RUNDC3B: variants seen among roughly 807,000 people sequenced by gnomAD.
The protein encoded by RUNDC3B is RUN domain-containing protein 3B.
Under a neutral mutation model 58.4 loss-of-function variants are expected in RUNDC3B, and 33 were observed. That is an observed-to-expected ratio of 0.56 (90% CI 0.43 to 0.75). The LOEUF (loss-of-function observed/expected upper bound fraction) is 0.75. Ranked by LOEUF, RUNDC3B falls within the 30% of genes least tolerant of loss-of-function variation. RUNDC3B has a pLI of 0.00. For synonymous variants in RUNDC3B, 193 were observed against 195.2 expected (o/e 0.99, Z 0.10); for missense variants, 501 against 535.7 (o/e 0.94, Z 0.64).
At chr7:87,814,511 C>G (rs1041362068) in intron 9 of RUNDC3B, among the ~76,000 whole-genome samples, 10 of 152,144 alleles carry the variant, frequency 6.6e-5, no homozygotes, top group Admixed American at 1.3e-4. Context: ...AGGTTTAAAT[C>G]TAATCTCTTT....
intron 6 of RUNDC3B, among the ~76,000 whole-genome samples, chr7:87,757,640 T>C (rs1833443866): frequency 6.6e-6 from 1 of 152,132 alleles, no homozygotes; most frequent in Admixed American, 6.6e-5. Flanking sequence ...CCAATGACAT[T>C]CTTCACAGAA....
At chr7:87,804,161 A>G (rs1386283445) in intron 8 of RUNDC3B, among the ~76,000 whole-genome samples, 2 of 152,198 alleles carry the variant, frequency 1.3e-5, no homozygotes, top group East Asian at 1.9e-4. Context: ...TAGAAAACCA[A>G]AAGAACCTTG....
intron 4 of RUNDC3B, among the ~76,000 whole-genome samples, chr7:87,731,999 G>C (rs1433972965): frequency 6.6e-6 from 1 of 152,138 alleles, no homozygotes; most frequent in African/African-American, 2.4e-5. Flanking sequence ...TCATTTTGAA[G>C]GGTATGTTAT....
At chr7:87,763,868 ATC>A (rs1216442845) in intron 6 of RUNDC3B, among the ~76,000 whole-genome samples, 1 of 151,764 alleles carries the variant, frequency 6.6e-6, no homozygotes, top group African/African-American at 2.4e-5. Flanking sequence ...TGGCAGAGGT[ATC>A]TGTTTCAAAT....
At chr7:87,675,127 A>G (rs920772132) in intron 2 of RUNDC3B, among the ~76,000 whole-genome samples, 3 of 152,180 alleles carry the variant, frequency 2.0e-5, no homozygotes, top group Non-Finnish European at 4.4e-5. Context: ...CCTTTTCCCC[A>G]GAAGATGCTG....
intron 1 of RUNDC3B, among the ~76,000 whole-genome samples, chr7:87,631,639 C>T (rs187726397): frequency 6.6e-6 from 1 of 152,300 alleles, no homozygotes; most frequent in East Asian, 1.9e-4. Context: ...GTGATCCGCC[C>T]GCCTCGGCCT....
chr7:87,775,122 T>A (rs1479635607), intron 7 of RUNDC3B, among the ~76,000 whole-genome samples: 1 of 152,172 alleles, frequency 6.6e-6, no homozygotes, highest in East Asian at 1.9e-4. Context: ...TAGGAGGTAG[T>A]CCAGCAGTGG....
intron 10 of RUNDC3B, among the ~76,000 whole-genome samples, chr7:87,825,428 A>G (rs1212441069): frequency 6.6e-6 from 1 of 152,120 alleles, no homozygotes; most frequent in Non-Finnish European, 1.5e-5. Context: ...CCTAGATTTC[A>G]GAAGATGTAG....
chr7:87,643,969 C>T (rs188196893), intron 1 of RUNDC3B, among the ~76,000 whole-genome samples: 83 of 152,314 alleles, frequency 5.4e-4, no homozygotes, highest in African/African-American at 1.9e-3. Context: ...AGTGATTCGC[C>T]TGCCTCAGCC....
intron 3 of RUNDC3B, among the ~76,000 whole-genome samples, chr7:87,703,891 T>TC: frequency 9.0e-6 from 1 of 111,322 alleles, no homozygotes; most frequent in Admixed American, 9.6e-5. Context: ...TTTTCTTTTT[T>TC]TTTTTTTTTT....
At chr7:87,680,201 T>C (rs1347879475) in intron 2 of RUNDC3B, among the ~76,000 whole-genome samples, 1 of 150,506 alleles carries the variant, frequency 6.6e-6, no homozygotes, top group Non-Finnish European at 1.5e-5. Context: ...GCAAAGGACA[T>C]GACCTCATCC....
chr7:87,690,835 T>C (rs1827946148), intron 2 of RUNDC3B, among the ~76,000 whole-genome samples: 1 of 152,144 alleles, frequency 6.6e-6, no homozygotes, highest in South Asian at 2.1e-4. Context: ...TGGTAATCCA[T>C]TTACAGACCA....
chr7:87,823,429 T>TA (rs1235042235), intron 10 of RUNDC3B, among the ~76,000 whole-genome samples: 1 of 152,062 alleles, frequency 6.6e-6, no homozygotes, highest in Non-Finnish European at 1.5e-5. Context: ...TTAATTTTTT[T>TA]ATTTCCATAA....
At chr7:87,739,345 A>C (rs1462230872) in intron 4 of RUNDC3B, among the ~76,000 whole-genome samples, 2 of 152,036 alleles carry the variant, frequency 1.3e-5, no homozygotes, top group Non-Finnish European at 2.9e-5. Flanking sequence ...TAATCTTTGC[A>C]ATTATAGAAA....
chr7:87,760,093 T>G (rs559261488), intron 6 of RUNDC3B, among the ~76,000 whole-genome samples: 6 of 151,386 alleles, frequency 4.0e-5, no homozygotes, highest in Admixed American at 3.3e-4. Context: ...TTAATGGGTG[T>G]TTTTAGCCTA....
intron 10 of RUNDC3B, among the ~76,000 whole-genome samples, chr7:87,829,193 C>T (rs1001900951): frequency 6.6e-6 from 1 of 152,030 alleles, no homozygotes; most frequent in African/African-American, 2.4e-5. Flanking sequence ...GTTTAAGTTC[C>T]TTATAGATTC....
At chr7:87,710,803 C>G in intron 4 of RUNDC3B, 148 bp downstream of exon 4, 1 of 509,180 alleles carries the variant, frequency 2.0e-6, no homozygotes, top group Admixed American at 3.7e-5. Context: ...CCACTGTCTT[C>G]TTAGGAAAAT....
At chr7:87,693,093 A>G (rs1828161776) in intron 2 of RUNDC3B, among the ~76,000 whole-genome samples, 1 of 152,180 alleles carries the variant, frequency 6.6e-6, no homozygotes, top group African/African-American at 2.4e-5. Context: ...GTGTTTGACT[A>G]TGAGAGAAGG....
intron 4 of RUNDC3B, among the ~76,000 whole-genome samples, chr7:87,715,822 C>G (rs1056503691): frequency 1.3e-5 from 2 of 151,664 alleles, no homozygotes; most frequent in Non-Finnish European, 2.9e-5. Context: ...ATTAACTGAC[C>G]AATTACTGAA....
Sources: gnomAD v4.1 joint callset for allele counts (sites outside exome capture counted in the v4.1 genomes callset) on GRCh38, gnomAD v4.1.1 for gene constraint, MANE v1.5 for transcripts, NCBI Gene and HGNC (gene_info 2026-07-23, HGNC 2026-07-21) for gene names.